PDE4B: variants seen among roughly 807,000 people sequenced by gnomAD.
PDE4B encodes phosphodiesterase 4B.
In PDE4B, 20 loss-of-function variants were observed where a neutral mutation model predicts 82.2. The observed-to-expected ratio is 0.24, with a 90% CI of 0.17 to 0.35. The LOEUF (loss-of-function observed/expected upper bound fraction) is 0.35, where lower values mean the gene tolerates loss of function less well. Among genes scored for constraint, PDE4B ranks in the 10% least tolerant of loss-of-function variants. The pLI is 1.00. For synonymous variants in PDE4B, 320 were observed against 318.9 expected (o/e 1.00, Z -0.04); for missense variants, 655 against 907.2 (o/e 0.72, Z 3.57).
intron 1 of PDE4B, among the ~76,000 whole-genome samples, chr1:65,799,971 T>A (rs945958046): frequency 2.6e-5 from 4 of 152,230 alleles, no homozygotes; most frequent in Admixed American, 2.6e-4. Context: ...GAGATCATTC[T>A]TTTTCTGATA....
At chr1:65,992,939 T>G in intron 3 of PDE4B, 6 of 1,613,900 alleles carry the variant, frequency 3.7e-6, no homozygotes, top group Non-Finnish European at 5.1e-6. Flanking sequence ...AGGAACTTAC[T>G]GCTTCTGAAC....
chr1:66,292,611 G>T (rs1227410371), intron 7 of PDE4B, among the ~76,000 whole-genome samples: 1 of 152,156 alleles, frequency 6.6e-6, no homozygotes, highest in African/African-American at 2.4e-5. Flanking sequence ...CTCATTAAAT[G>T]GTGGCTATTA....
At chr1:65,906,679 T>C (rs1158024170) in intron 1 of PDE4B, among the ~76,000 whole-genome samples, 1 of 152,174 alleles carries the variant, frequency 6.6e-6, no homozygotes, top group African/African-American at 2.4e-5. Context: ...TGTTGAACAT[T>C]AGCATTCAGC....
chr1:66,003,328 T>C (rs1247498650), intron 3 of PDE4B, among the ~76,000 whole-genome samples: 1 of 139,868 alleles, frequency 7.1e-6, no homozygotes, highest in Non-Finnish European at 1.5e-5. Context: ...TATTGTCTTG[T>C]TTTGCTCTCA....
At chr1:65,861,471 C>T (rs1646453284) in intron 1 of PDE4B, among the ~76,000 whole-genome samples, 1 of 152,148 alleles carries the variant, frequency 6.6e-6, no homozygotes, top group Non-Finnish European at 1.5e-5. Flanking sequence ...AGTTTGAAGT[C>T]AGGTAGTGTG....
chr1:66,084,851 T>C (rs1182485868), intron 3 of PDE4B, among the ~76,000 whole-genome samples: 2 of 152,134 alleles, frequency 1.3e-5, no homozygotes, highest in South Asian at 2.1e-4. Flanking sequence ...GTCCCAAGCA[T>C]TGGGCTGAAG....
intron 4 of PDE4B, among the ~76,000 whole-genome samples, chr1:66,248,091 T>C (rs1653468947): frequency 6.6e-6 from 1 of 152,152 alleles, no homozygotes; most frequent in African/African-American, 2.4e-5. Flanking sequence ...TTGGTGACTT[T>C]AATAAGATGT....
chr1:66,202,109 G>A (rs1421830996), intron 3 of PDE4B, among the ~76,000 whole-genome samples: 1 of 152,060 alleles, frequency 6.6e-6, no homozygotes, highest in African/African-American at 2.4e-5. Context: ...TATGTACCCA[G>A]TAGTCATTCA....
chr1:65,834,421 A>G (rs1331930850), intron 1 of PDE4B, among the ~76,000 whole-genome samples: 1 of 152,228 alleles, frequency 6.6e-6, no homozygotes, highest in Admixed American at 6.5e-5. Flanking sequence ...GGCCTCTTAC[A>G]CAGTAAAACT....
Position 66,322,154 on chromosome 1 carries a change from C to T in PDE4B, c.635-10354C>T, listed in dbSNP as rs569915169. On this transcript the variant is annotated intron_variant, in intron 7 of 16. Coordinates refer to ENST00000341517, the MANE Select transcript of PDE4B (RefSeq NM_002600.4). ...CTGAAACTGGATCCCTTCCTTATAC[C>T]GTATACAAAAATTAACTCAAGATGG... 1.7e-4 allele frequency among the ~76,000 whole-genome samples: 26 copies of T among 152,138 alleles called. 1 individual carries two copies. Among genetic ancestry groups the T allele is most frequent in the African/African-American group, 4.1e-4 (17 of 41,482 alleles).
chr1:65,846,256 G>C (rs1646267170), intron 1 of PDE4B, among the ~76,000 whole-genome samples: 1 of 152,182 alleles, frequency 6.6e-6, no homozygotes, highest in Admixed American at 6.5e-5. Flanking sequence ...ACAGAGAGAG[G>C]AGGGTGTGGT....
intron 2 of PDE4B, among the ~76,000 whole-genome samples, chr1:65,916,029 A>C (rs1647155621): frequency 6.6e-6 from 1 of 152,170 alleles, no homozygotes; most frequent in African/African-American, 2.4e-5. Flanking sequence ...TTTTACTTTG[A>C]GGTTTTTAGT....
At chr1:65,864,755 ACCAG>A (rs1466149701) in intron 1 of PDE4B, among the ~76,000 whole-genome samples, 2 of 152,136 alleles carry the variant, frequency 1.3e-5, no homozygotes, top group Non-Finnish European at 2.9e-5. Context: ...CCAGAGGGGC[ACCAG>A]CCTGATGCCA....
intron 3 of PDE4B, among the ~76,000 whole-genome samples, chr1:66,023,257 C>T (rs961429487): frequency 6.6e-6 from 1 of 152,126 alleles, no homozygotes; most frequent in Non-Finnish European, 1.5e-5. Context: ...GGTACTCGGA[C>T]ATTATCTACA....
intron 3 of PDE4B, among the ~76,000 whole-genome samples, chr1:66,118,325 T>C (rs1645638718): frequency 6.6e-6 from 1 of 152,286 alleles, no homozygotes; most frequent in Admixed American, 6.5e-5. Context: ...CCAACCCAAA[T>C]GTCCAACAAT....
intron 3 of PDE4B, among the ~76,000 whole-genome samples, chr1:65,974,395 C>T (rs1650301780): frequency 1.3e-5 from 2 of 152,100 alleles, no homozygotes; most frequent in Non-Finnish European, 1.5e-5. Flanking sequence ...TAAGTTGGCT[C>T]ATTATATAGG....
At chr1:66,243,266 T>C (rs1039180528) in intron 3 of PDE4B, among the ~76,000 whole-genome samples, 16 of 152,252 alleles carry the variant, frequency 1.1e-4, no homozygotes, top group Admixed American at 6.5e-5. Context: ...GAGGTGGGTA[T>C]AGGGAAGCAG....
chr1:66,140,592 C>T (rs543785418), intron 3 of PDE4B, among the ~76,000 whole-genome samples: 5 of 152,126 alleles, frequency 3.3e-5, no homozygotes, highest in Admixed American at 3.3e-4. Context: ...TCTTGTTTTC[C>T]TGCTGTTTAT....
chr1:66,071,844 C>T (rs1364573766), intron 3 of PDE4B, among the ~76,000 whole-genome samples: 1 of 151,954 alleles, frequency 6.6e-6, no homozygotes, highest in Non-Finnish European at 1.5e-5. Flanking sequence ...ACTGAAAAGC[C>T]CTTTTGTTTT....
Sources: allele counts gnomAD v4.1 joint callset (sites outside exome capture counted in the v4.1 genomes callset), GRCh38; gene constraint gnomAD v4.1.1; transcripts MANE v1.5; gene names NCBI Gene and HGNC (gene_info 2026-07-23, HGNC 2026-07-21).